The following DIAPH2 variants were observed in gnomAD, a reference collection of about 807,000 sequenced individuals.
DIAPH2 encodes the protein diaphanous related formin 2, also known as protein diaphanous homolog 2.
DIAPH2 carries 35 observed loss-of-function variants against 92.7 expected under a neutral mutation model. That is an observed-to-expected ratio of 0.38 (90% CI 0.29 to 0.50). DIAPH2 has a LOEUF of 0.50. Ranked by LOEUF, DIAPH2 falls within the 20% of genes least tolerant of loss-of-function variation. The probability of loss-of-function intolerance (pLI) is 0.94; values close to 1 mark genes in which losing one functional copy is unlikely to be tolerated. For missense variants in DIAPH2, 701 were observed against 819.5 expected, an observed-to-expected ratio of 0.86 and a Z score of 1.77; for synonymous variants, 301 against 280.4, an observed-to-expected ratio of 1.07 and a Z score of -0.73.
intron 23 of DIAPH2, among the ~76,000 whole-genome samples, chrX:97,321,233 G>A (rs1232003801): frequency 9.0e-6 from 1 of 110,780 alleles, no homozygotes; most frequent in African/African-American, 3.3e-5. Context: ...TTTATAACAC[G>A]GCTCATTTTC....
intron 24 of DIAPH2, among the ~76,000 whole-genome samples, chrX:97,376,310 T>A (rs1187028976): frequency 9.0e-6 from 1 of 111,723 alleles, no homozygotes; most frequent in Non-Finnish European, 1.9e-5. Context: ...CCCCAAAACC[T>A]CCTGTTTATT....
At chrX:97,598,249 A>AT (rs1162820897) in intron 26 of DIAPH2, among the ~76,000 whole-genome samples, 2 of 111,884 alleles carry the variant, frequency 1.8e-5, no homozygotes, top group Admixed American at 9.5e-5. Context: ...TTGCATTATA[A>AT]TCCCCCATCA....
chrX:96,799,555 A>G (rs1299479140), intron 4 of DIAPH2, among the ~76,000 whole-genome samples: 4 of 112,247 alleles, frequency 3.6e-5, no homozygotes. Context: ...CACGCCTATA[A>G]TCCCAGCACT....
At chrX:97,205,494 AAGT>A (rs1456045970) in intron 22 of DIAPH2, among the ~76,000 whole-genome samples, 1 of 111,596 alleles carries the variant, frequency 9.0e-6, no homozygotes, top group Admixed American at 9.5e-5. Context: ...AAAAATCAAA[AAGT>A]AGGCAAAGGA....
In DIAPH2 at chrX:97,247,750, A is replaced by G. The variant is rs772595907; in HGVS notation, c.2755A>G (p.Met919Val). The part of the protein sequence containing the change: ...AQILKSNLAS[M>V]EQQIVHLERD... The stretch of plus-strand genomic sequence containing the variant: ...AATTCTCAAGAGCAACCTTGCATCA[A>G]TGGAACAACAAATTGTTCATCTGGA... The change falls in exon 23 of 27, where the codon ATG (methionine) becomes GTG (valine). Residue 919 changes from methionine (M) to valine (V), a missense_variant. Met to Val is a conservative substitution (Grantham distance 21). Transcript: ENST00000324765. 16 of 1,204,897 alleles carry G rather than the reference A, an allele frequency of 1.3e-5. No individual in the cohort carries two copies. Among genetic ancestry groups the G allele is most frequent in the Middle Eastern group, 2.3e-4 (1 of 4,341 alleles).
intron 4 of DIAPH2, among the ~76,000 whole-genome samples, chrX:96,834,859 CA>C (rs1334444050): frequency 1.8e-5 from 2 of 111,245 alleles, no homozygotes; most frequent in Non-Finnish European, 3.8e-5. Context: ...ATTGTATTTG[CA>C]AAACAATGAT....
intron 17 of DIAPH2, among the ~76,000 whole-genome samples, chrX:96,967,443 G>C (rs763110218): frequency 9.7e-6 from 1 of 102,963 alleles, no homozygotes; most frequent in Admixed American, 1.0e-4. Flanking sequence ...TTTTGAGACA[G>C]AGTTTCGGTC....
At chrX:97,176,818 C>T (rs9887164) in intron 22 of DIAPH2, among the ~76,000 whole-genome samples, 4,782 of 111,418 alleles carry the variant, frequency 0.043, 194 homozygotes, top group African/African-American at 0.13. Context: ...TGAGCCACCG[C>T]GCCTGGCCGA....
At chrX:96,756,174 AT>A (rs1193256712) in intron 3 of DIAPH2, among the ~76,000 whole-genome samples, 4 of 108,681 alleles carry the variant, frequency 3.7e-5, no homozygotes, top group Middle Eastern at 4.8e-3. Context: ...CAAATTCATA[AT>A]TTTTTTTTTG....
intron 7 of DIAPH2, 86 bp downstream of exon 7, chrX:96,912,638 T>G: frequency 2.0e-6 from 2 of 1,015,594 alleles, no homozygotes; most frequent in Non-Finnish European, 2.5e-6. Flanking sequence ...AAATATTTTT[T>G]TATTATTTTT....
chrX:97,520,104 T>C (rs2070980938), intron 26 of DIAPH2, among the ~76,000 whole-genome samples: 1 of 112,517 alleles, frequency 8.9e-6, no homozygotes, highest in Non-Finnish European at 1.9e-5. Context: ...AAAATTCACC[T>C]ACCAAATCTG....
Position 96,957,978 on chromosome X carries a change from G to T in DIAPH2, c.1765G>T (p.Gly589Trp), listed in dbSNP as rs2065823083. The change falls in exon 16 of 27, where the codon GGG (glycine) becomes TGG (tryptophan). Residue 589 changes from glycine to tryptophan, a missense_variant. By Grantham distance (184) the Gly-to-Trp change is radical (BLOSUM62 -2). Transcript: ENST00000324765. ...ACCACCTCCTTTACCTGGAATGATG[G>T]GGATACCACCACCACCCCCACCACC... ...PPPPPLPGMM[G>W]IPPPPPPPLL... The T allele has an allele frequency of 1.7e-6, 2 of 1,206,126 alleles. No individual in the cohort carries two copies. Among genetic ancestry groups the T allele is most frequent in the Admixed American group, 4.4e-5 (2 of 45,398 alleles).
chrX:97,237,963 G>T (rs2068062491), intron 22 of DIAPH2, among the ~76,000 whole-genome samples: 1 of 111,923 alleles, frequency 8.9e-6, no homozygotes, highest in African/African-American at 3.2e-5. Flanking sequence ...CCTAGTCCTG[G>T]CCTTGAGCTA....
chrX:97,260,344 A>C (rs745495148), intron 23 of DIAPH2, among the ~76,000 whole-genome samples: 1 of 112,577 alleles, frequency 8.9e-6, no homozygotes, highest in Non-Finnish European at 1.9e-5. Flanking sequence ...GCAGGTGATA[A>C]GGAAGAGATT....
chrX:97,110,743 G>A (rs1480702895), intron 20 of DIAPH2, among the ~76,000 whole-genome samples: 1 of 111,538 alleles, frequency 9.0e-6, no homozygotes, highest in Non-Finnish European at 1.9e-5. Context: ...CAGCACTTTG[G>A]GAGGCTGAGG....
chrX:97,402,426 A>G (rs1224055152), intron 25 of DIAPH2, among the ~76,000 whole-genome samples: 1 of 111,510 alleles, frequency 9.0e-6, no homozygotes, highest in Non-Finnish European at 1.9e-5. Flanking sequence ...GTATTAGTAT[A>G]CTTATTCAAT....
chrX:97,565,240 T>C (rs1037113342), intron 26 of DIAPH2, among the ~76,000 whole-genome samples: 4 of 111,977 alleles, frequency 3.6e-5, no homozygotes, highest in African/African-American at 1.3e-4. Context: ...AGCTTTTTAA[T>C]TTCTTGGAGG....
intron 1 of DIAPH2, among the ~76,000 whole-genome samples, chrX:96,699,586 ACT>A (rs773123732): frequency 3.9e-4 from 43 of 111,674 alleles, no homozygotes; most frequent in African/African-American, 1.4e-3. Flanking sequence ...AGGTTAAGAA[ACT>A]CTGCTTTAGA....
chrX:96,952,001 T>C (rs753947478), intron 15 of DIAPH2, among the ~76,000 whole-genome samples: 24 of 111,580 alleles, frequency 2.2e-4, no homozygotes, highest in Admixed American at 5.7e-4. Context: ...CGACACACAT[T>C]TTGCCTTTCG....
Sources: gnomAD v4.1 joint callset for allele counts (sites outside exome capture counted in the v4.1 genomes callset) on GRCh38, gnomAD v4.1.1 for gene constraint, MANE v1.5 for transcripts, NCBI Gene and HGNC (gene_info 2026-07-23, HGNC 2026-07-21) for gene names.